Variants in ADA2 observed in about 807,000 individuals in gnomAD.
ADA2 encodes adenosine deaminase CECR1.
Under a neutral mutation model 44.2 loss-of-function variants are expected in ADA2, and 29 were observed. The observed-to-expected ratio is 0.66, with a 90% CI of 0.49 to 0.89. The LOEUF (loss-of-function observed/expected upper bound fraction) is 0.89, where lower values mean the gene tolerates loss of function less well. Ranked by LOEUF, ADA2 falls within the 40% of genes least tolerant of loss-of-function variation. The pLI, the probability that ADA2 is intolerant of heterozygous loss-of-function variation, is 0.00. For missense variants in ADA2, 637 were observed against 644.8 expected (o/e 0.99, Z 0.13); for synonymous variants, 215 against 234.9 (o/e 0.92, Z 0.77).
intron 7 of ADA2, among the ~76,000 whole-genome samples, chr22:17,183,904 G>A (rs546153346): frequency 1.7e-4 from 25 of 150,322 alleles, no homozygotes; most frequent in Non-Finnish European, 2.5e-4. Flanking sequence ...CTAGATGACC[G>A]CAGACAGTCT....
chr22:17,216,767 A>ACCAC (rs781086314), intron 1 of ADA2, among the ~76,000 whole-genome samples: 1 of 103,388 alleles, frequency 9.7e-6, no homozygotes. Flanking sequence ...TCAAAAAAAA[A>ACCAC]AAAAACACAC....
chr22:17,195,447 TG>T (rs1322507883), intron 4 of ADA2, among the ~76,000 whole-genome samples: 1 of 151,950 alleles, frequency 6.6e-6, no homozygotes, highest in Non-Finnish European at 1.5e-5. Context: ...GAGAATCGCT[TG>T]AACCCGGGAG....
chr22:17,183,238 C>T (rs1462269628), intron 7 of ADA2, among the ~76,000 whole-genome samples: 1 of 152,050 alleles, frequency 6.6e-6, no homozygotes, highest in East Asian at 1.9e-4. Context: ...CACACGCCAC[C>T]ACGCCCAGAT....
intron 4 of ADA2, among the ~76,000 whole-genome samples, chr22:17,200,574 C>A (rs570819066): frequency 6.6e-6 from 1 of 152,078 alleles, no homozygotes; most frequent in East Asian, 1.9e-4. Context: ...CCAGCCTTGC[C>A]GCTAAACTCA....
chr22:17,217,585 T>G (rs1357081217), intron 1 of ADA2, among the ~76,000 whole-genome samples: 2 of 152,136 alleles, frequency 1.3e-5, no homozygotes, highest in Non-Finnish European at 2.9e-5. Context: ...TTTGGGAGGC[T>G]GAGGTGGGCA....
chr22:17,205,755 G>A (rs1385173733), intron 3 of ADA2, among the ~76,000 whole-genome samples: 1 of 152,208 alleles, frequency 6.6e-6, no homozygotes, highest in Non-Finnish European at 1.5e-5. Context: ...AAGGTGAGAG[G>A]ACGGCTTGAG....
At chr22:17,215,251 A>G (rs2062458206) in intron 1 of ADA2, among the ~76,000 whole-genome samples, 1 of 152,242 alleles carries the variant, frequency 6.6e-6, no homozygotes, top group Non-Finnish European at 1.5e-5. Context: ...CAGTTATTTA[A>G]AAAAGAAAGA....
intron 4 of ADA2, among the ~76,000 whole-genome samples, chr22:17,197,761 G>T (rs1202967058): frequency 1.3e-5 from 2 of 152,220 alleles, no homozygotes; most frequent in African/African-American, 4.8e-5. Context: ...TGAGAAGGCT[G>T]AGCACGGTGG....
At chr22:17,191,873 G>A (rs1184899382) in intron 4 of ADA2, 63 bp from the exon 5 acceptor site, 6 of 1,512,376 alleles carry the variant, frequency 4.0e-6, no homozygotes, top group Non-Finnish European at 5.3e-6. Flanking sequence ...CCCCTTCCCA[G>A]CCACCCCTGC....
At chr22:17,201,768 C>T (rs944480969) in intron 4 of ADA2, among the ~76,000 whole-genome samples, 57 of 152,076 alleles carry the variant, frequency 3.7e-4, no homozygotes, top group Non-Finnish European at 2.9e-5. Context: ...TCGAAAGATC[C>T]CTCCCCTACC....
At chr22:17,183,233 G>A (rs761833426) in intron 7 of ADA2, among the ~76,000 whole-genome samples, 24 of 151,268 alleles carry the variant, frequency 1.6e-4, no homozygotes, top group African/African-American at 4.9e-4. Flanking sequence ...ACGGGCACAC[G>A]CCACCACGCC....
chr22:17,182,874 A>G, intron 7 of ADA2, 113 bp from the exon 8 acceptor site: 1 of 1,023,606 alleles, frequency 9.8e-7, no homozygotes, highest in South Asian at 1.6e-5. Context: ...ACAGCCCCCC[A>G]AGCACAAAAA....
At chr22:17,188,868 A>AAAAAAAAAAAAAAAAAAATAT in intron 6 of ADA2, 7 of 81,180 alleles carry the variant, frequency 8.6e-5, no homozygotes, top group African/African-American at 2.5e-4. Context: ...AAGAGCAAAA[A>AAAAAAAAAAAAAAAAAAATAT]ATATATATAT....
intron 4 of ADA2, among the ~76,000 whole-genome samples, chr22:17,195,984 T>C (rs1336095902): frequency 1.3e-5 from 2 of 151,928 alleles, no homozygotes; most frequent in Non-Finnish European, 1.5e-5. Context: ...CCTGACCTCA[T>C]GATCTGCTCG....
At position 17,207,068 on chromosome 22, in the gene ADA2, C is replaced by T. The variant is rs2123708613; in HGVS notation, c.542+3G>A. The T allele has an allele frequency of 6.2e-7, 1 of 1,612,166 alleles. No homozygotes were observed. Among genetic ancestry groups the T allele is most frequent in the Non-Finnish European group, 8.5e-7 (1 of 1,178,306 alleles). On this transcript the variant is annotated splice_donor_region_variant and intron_variant, in intron 3 of 9. Coordinates refer to ENST00000399837, the MANE Select transcript of ADA2 (RefSeq NM_001282225.2). ...GACATGTGCTTTCTGAACTACTACT[C>T]ACCTGTCATCAAACTCAGTGACGTT... is the stretch of plus-strand genomic sequence containing the variant.
At chr22:17,215,531 A>G (rs964727522) in intron 1 of ADA2, among the ~76,000 whole-genome samples, 17 of 151,462 alleles carry the variant, frequency 1.1e-4, no homozygotes, top group African/African-American at 4.1e-4. Context: ...GCTTGAACCC[A>G]GGAGGCGGAG....
Position 17,183,955 on chromosome 22 carries a change from C to CT in ADA2, c.1082-1195dup, listed in dbSNP as rs33921509. Among the ~76,000 whole-genome samples the CT allele has an allele frequency of 7.7e-3, 615 of 79,728 alleles. 70 individuals are homozygous for CT. Among genetic ancestry groups the CT allele is most frequent in the African/African-American group, 0.026 (500 of 19,002 alleles). The allele number at this position is 79,728 out of a possible 152,430, so 52.3% of individuals were successfully genotyped here. ...CCCCTGCCATCCCCATCACACCTTT[C>CT]TTTTTTTTTTTTTTTTTTTTTGAGA... On this transcript the variant is annotated intron_variant, in intron 7 of 9. Coordinates refer to ENST00000399837, the MANE Select transcript of ADA2 (RefSeq NM_001282225.2).
chr22:17,199,540 C>G, intron 4 of ADA2: 1 of 1,604,082 alleles, frequency 6.2e-7, no homozygotes, highest in Non-Finnish European at 8.5e-7. Context: ...ACAGGAAGTT[C>G]TCCCCTACCA....
At chr22:17,214,641 G>A (rs1464793088) in intron 1 of ADA2, among the ~76,000 whole-genome samples, 1 of 152,208 alleles carries the variant, frequency 6.6e-6, no homozygotes, top group Non-Finnish European at 1.5e-5. Flanking sequence ...TGGTCCTGCA[G>A]GCCCCAGGGA....
Sources: allele counts gnomAD v4.1 joint callset (sites outside exome capture counted in the v4.1 genomes callset), GRCh38; gene constraint gnomAD v4.1.1; transcripts MANE v1.5; gene names NCBI Gene and HGNC (gene_info 2026-07-23, HGNC 2026-07-21).